The following SPOCK3 variants were observed in gnomAD, a reference collection of about 807,000 sequenced individuals.
SPOCK3 encodes SPARC (osteonectin), cwcv and kazal like domains proteoglycan 3, also known as testican-3.
In SPOCK3, 30 loss-of-function variants were observed where a neutral mutation model predicts 56.6. The observed-to-expected ratio is 0.53, with a 90% CI of 0.40 to 0.72. The LOEUF (loss-of-function observed/expected upper bound fraction) is 0.72. Ranked by LOEUF, SPOCK3 falls within the 30% of genes least tolerant of loss-of-function variation. The pLI, the probability that SPOCK3 is intolerant of heterozygous loss-of-function variation, is 0.00. For missense variants in SPOCK3, 527 were observed against 530.0 expected (o/e 0.99, Z 0.06); for synonymous variants, 196 against 183.3 (o/e 1.07, Z -0.56).
intron 4 of SPOCK3, among the ~76,000 whole-genome samples, chr4:166,948,066 C>T (rs762729202): frequency 6.6e-6 from 1 of 152,132 alleles, no homozygotes; most frequent in Non-Finnish European, 1.5e-5. Context: ...TTCTACTCTC[C>T]TATGGGCTCA....
At chr4:167,113,720 G>T (rs544734998) in intron 2 of SPOCK3, among the ~76,000 whole-genome samples, 43 of 152,186 alleles carry the variant, frequency 2.8e-4, no homozygotes, top group Non-Finnish European at 4.0e-4. Context: ...AAAGAAGCAG[G>T]ATGTAATGGT....
At chr4:166,947,433 T>C (rs1225431548) in intron 4 of SPOCK3, among the ~76,000 whole-genome samples, 1 of 152,208 alleles carries the variant, frequency 6.6e-6, no homozygotes, top group South Asian at 2.1e-4. Context: ...GTGCAGAACT[T>C]TGTTTACTAA....
intron 2 of SPOCK3, among the ~76,000 whole-genome samples, chr4:167,105,461 A>AT (rs1336260635): frequency 3.9e-5 from 4 of 102,092 alleles, no homozygotes; most frequent in Non-Finnish European, 8.3e-5. Context: ...ATACACAAAA[A>AT]TTAAAAAAAA....
intron 2 of SPOCK3, among the ~76,000 whole-genome samples, chr4:167,204,424 G>A (rs186740206): frequency 1.8e-3 from 268 of 152,158 alleles, no homozygotes; most frequent in Middle Eastern, 6.8e-3. Flanking sequence ...CAAGCATGGC[G>A]GAAGGCACCT....
chr4:166,778,162 C>T (rs1739775558), intron 7 of SPOCK3, among the ~76,000 whole-genome samples: 1 of 152,150 alleles, frequency 6.6e-6, no homozygotes, highest in Admixed American at 6.6e-5. Context: ...TTCTGAAAAG[C>T]AGAAGCTATC....
At chr4:167,205,286 ATTTTATATCTAT>A (rs1733986785) in intron 2 of SPOCK3, among the ~76,000 whole-genome samples, 4 of 44,728 alleles carry the variant, frequency 8.9e-5, no homozygotes, top group Non-Finnish European at 1.7e-4. Context: ...TATTATATAT[ATTTTATATCTAT>A]AATATATATT....
chr4:167,071,882 CTG>C (rs1365909372), intron 2 of SPOCK3, among the ~76,000 whole-genome samples: 2 of 152,056 alleles, frequency 1.3e-5, no homozygotes, highest in African/African-American at 4.8e-5. Context: ...TCTCCAGCAT[CTG>C]TTGTTTCCTG....
At chr4:167,077,879 A>T (rs1757340446) in intron 2 of SPOCK3, among the ~76,000 whole-genome samples, 1 of 151,894 alleles carries the variant, frequency 6.6e-6, no homozygotes, top group Non-Finnish European at 1.5e-5. Context: ...GGAAGAAAAG[A>T]AAAAGGAGGC....
rs550080945 is a variant in SPOCK3 at position 166,982,270 on chromosome 4, CATCAATACAGAGT to C, written c.350+18066_350+18078del. Among the ~76,000 whole-genome samples the C allele has an allele frequency of 1.6e-3, 237 of 152,348 alleles. 1 individual carries two copies. The highest frequency in any genetic ancestry group is 5.4e-3 in the African/African-American group (223 of 41,582). ...CAGTGTAGTGGAAGATATACCATAT[CATCAATACAGAGT>C]TTACTGATAATGCAAAACTGTCTTT... On this transcript the variant is annotated intron_variant, in intron 4 of 10. Coordinates refer to ENST00000357545, the MANE Select transcript of SPOCK3 (RefSeq NM_001040159.2).
At chr4:166,815,836 C>A (rs1358053434) in intron 6 of SPOCK3, among the ~76,000 whole-genome samples, 1 of 151,922 alleles carries the variant, frequency 6.6e-6, no homozygotes, top group African/African-American at 2.4e-5. Flanking sequence ...ATTAATCAAC[C>A]CTAAGAGGCA....
chr4:166,778,573 C>A (rs180729219), intron 7 of SPOCK3, among the ~76,000 whole-genome samples: 78 of 152,282 alleles, frequency 5.1e-4, no homozygotes, highest in African/African-American at 1.8e-3. Context: ...TCAATACACA[C>A]TACTAGGCCT....
At chr4:166,992,844 C>T (rs554140822) in intron 4 of SPOCK3, among the ~76,000 whole-genome samples, 2 of 152,068 alleles carry the variant, frequency 1.3e-5, no homozygotes, top group South Asian at 2.1e-4. Context: ...TACTCTTTTC[C>T]TTCTATAGGG....
At chr4:167,138,108 G>T (rs1246403798) in intron 2 of SPOCK3, among the ~76,000 whole-genome samples, 2 of 151,462 alleles carry the variant, frequency 1.3e-5, no homozygotes, top group Non-Finnish European at 3.0e-5. Context: ...TTATTAAAAA[G>T]TCACTTTTTA....
intron 2 of SPOCK3, among the ~76,000 whole-genome samples, chr4:167,233,041 C>G (rs1315175218): frequency 2.0e-5 from 3 of 152,204 alleles, no homozygotes; most frequent in Admixed American, 2.0e-4. Context: ...CACTCTCGCT[C>G]CAGTTCAGGC....
At chr4:167,058,577 A>G (rs1755184642) in intron 3 of SPOCK3, among the ~76,000 whole-genome samples, 2 of 152,214 alleles carry the variant, frequency 1.3e-5, no homozygotes, top group African/African-American at 4.8e-5. Flanking sequence ...CATACTGCCC[A>G]AGGTAATTTA....
In SPOCK3 at chr4:166,842,071, C is replaced by T. The variant is rs553627319; in HGVS notation, c.589+47059G>A. On this transcript the variant is annotated intron_variant, in intron 6 of 10. Transcript: ENST00000357545. ...GGCGTTGCGTCGGGAATTGTTCATT[C>T]CTCCGGGTGGGTTTGTGGTCTCCCT... 5.3e-5 allele frequency among the ~76,000 whole-genome samples: 8 copies of T among 152,262 alleles called. No individual in the cohort carries two copies. The South Asian group carries it at 8.3e-4, about 16-fold the overall frequency.
At chr4:167,019,564 G>T (rs906204036) in intron 3 of SPOCK3, among the ~76,000 whole-genome samples, 3 of 151,696 alleles carry the variant, frequency 2.0e-5, no homozygotes, top group Non-Finnish European at 2.9e-5. Flanking sequence ...TACAAAGTAT[G>T]CAGTTTTCTA....
At chr4:167,061,107 CT>C (rs560425178) in intron 3 of SPOCK3, among the ~76,000 whole-genome samples, 34 of 151,874 alleles carry the variant, frequency 2.2e-4, no homozygotes, top group Middle Eastern at 3.4e-3. Context: ...AAATAGCATT[CT>C]TTTTTTTATG....
chr4:166,978,680 A>G (rs971869155), intron 4 of SPOCK3, among the ~76,000 whole-genome samples: 11 of 152,180 alleles, frequency 7.2e-5, no homozygotes, highest in African/African-American at 2.4e-4. Context: ...GAGAAAGAGG[A>G]GAAGGAGGAA....
Sources: allele counts gnomAD v4.1 joint callset (sites outside exome capture counted in the v4.1 genomes callset), GRCh38; gene constraint gnomAD v4.1.1; transcripts MANE v1.5; gene names NCBI Gene and HGNC (gene_info 2026-07-23, HGNC 2026-07-21).